The following CPNE4 variants were observed in gnomAD, a reference collection of about 807,000 sequenced individuals.
CPNE4 encodes copine-4.
A neutral mutation model predicts 67.9 loss-of-function variants in CPNE4; 25 were observed. The observed-to-expected ratio is 0.37, with a 90% CI of 0.27 to 0.51. The LOEUF (loss-of-function observed/expected upper bound fraction) is 0.51. CPNE4 is among the 20% of genes least tolerant of loss of function. CPNE4 has a pLI of 0.93. For missense variants in CPNE4, 464 were observed against 690.8 expected (o/e 0.67, Z 3.68); for synonymous variants, 242 against 244.9 (o/e 0.99, Z 0.11).
chr3:132,017,558 T>C (rs375507720), intron 1 of CPNE4: 5 of 152,304 alleles, frequency 3.3e-5, no homozygotes, highest in Admixed American at 2.0e-4. Flanking sequence ...TCCAGGCTCG[T>C]TGATGCACCT....
At chr3:131,833,862 C>T (rs1438914329) in intron 2 of CPNE4, among the ~76,000 whole-genome samples, 3 of 152,174 alleles carry the variant, frequency 2.0e-5, no homozygotes, top group Admixed American at 6.5e-5. Context: ...ACTGTGCGAG[C>T]CACATATAGT....
At chr3:131,779,867 A>G (rs1284250462) in intron 2 of CPNE4, among the ~76,000 whole-genome samples, 1 of 152,176 alleles carries the variant, frequency 6.6e-6, no homozygotes, top group Non-Finnish European at 1.5e-5. Context: ...GAACTTCTGT[A>G]CAACAAAGAA....
At chr3:131,770,201 T>C (rs1583170172) in intron 2 of CPNE4, among the ~76,000 whole-genome samples, 1 of 152,188 alleles carries the variant, frequency 6.6e-6, no homozygotes, top group East Asian at 1.9e-4. Context: ...ATTGCAAATG[T>C]GAAAGGATTT....
rs141359958 is a variant in CPNE4 at position 131,706,652 on chromosome 3, G to A, written c.361-6672C>T. The stretch of plus-strand genomic sequence containing the variant: ...TTTGGGATTCAGGCCCAGCTGACCA[G>A]CATTAACATCAACATAGACTTTAAG... On this transcript the variant is annotated intron_variant, in intron 3 of 15. Coordinates refer to ENST00000429747, the MANE Select transcript of CPNE4 (RefSeq NM_130808.3). 4.3e-3 allele frequency among the ~76,000 whole-genome samples: 656 copies of A among 152,254 alleles called. 4 individuals are homozygous for A. The highest frequency in any genetic ancestry group is 0.015 in the African/African-American group (629 of 41,534).
At chr3:131,856,781 A>AAGC (rs2086461987) in intron 2 of CPNE4, among the ~76,000 whole-genome samples, 1 of 152,036 alleles carries the variant, frequency 6.6e-6, no homozygotes, top group Non-Finnish European at 1.5e-5. Flanking sequence ...TTATGCCTTA[A>AAGC]AGCATTTGAT....
chr3:131,799,921 G>T (rs78177615), intron 2 of CPNE4, among the ~76,000 whole-genome samples: 11 of 21,018 alleles, frequency 5.2e-4, no homozygotes, highest in East Asian at 4.1e-3. Context: ...TGTGTGTGTT[G>T]TGTGTGTGTG....
intron 1 of CPNE4, among the ~76,000 whole-genome samples, chr3:131,942,500 G>C (rs73871536): frequency 0.18 from 26,185 of 143,888 alleles, 3,191 homozygotes; most frequent in African/African-American, 0.34. Context: ...GAGAGAGAGA[G>C]AGAGAGAGAG....
intron 14 of CPNE4, among the ~76,000 whole-genome samples, chr3:131,545,913 TTGGC>T (rs1259743596): frequency 2.6e-5 from 4 of 152,066 alleles, no homozygotes; most frequent in African/African-American, 9.6e-5. Context: ...AATACAAAAA[TTGGC>T]TGGGCGTGGT....
rs1055216341 is a variant in CPNE4, at chr3:131,803,453, T to C, written c.181-79828A>G. ...ACTGTCTCTATCAAGTTTTTCTACA[T>C]TGAAGACAAACTGTGTATGTGATTT... On this transcript the variant is annotated intron_variant, in intron 2 of 15. Coordinates refer to ENST00000429747, the MANE Select transcript of CPNE4 (RefSeq NM_130808.3). 4.6e-5 allele frequency among the ~76,000 whole-genome samples: 7 copies of C among 152,226 alleles called. 1 individual carries two copies. The highest frequency in any genetic ancestry group is 2.6e-4 in the Admixed American group (4 of 15,278).
intron 2 of CPNE4, among the ~76,000 whole-genome samples, chr3:131,845,055 G>T (rs185146535): frequency 9.9e-5 from 15 of 152,278 alleles, no homozygotes; most frequent in Admixed American, 7.8e-4. Flanking sequence ...GAGAGAAAAC[G>T]ATGACTTGTG....
chr3:132,024,304 G>A (rs563947712), intron 1 of CPNE4, among the ~76,000 whole-genome samples: 2 of 152,082 alleles, frequency 1.3e-5, no homozygotes, highest in African/African-American at 4.8e-5. Context: ...GGCTAGTCTC[G>A]AACTCCTGAC....
intron 2 of CPNE4, among the ~76,000 whole-genome samples, chr3:131,731,498 T>C (rs1180447035): frequency 6.6e-6 from 1 of 151,960 alleles, no homozygotes; most frequent in Non-Finnish European, 1.5e-5. Context: ...CTCAGCTACA[T>C]CTTCCAGTGC....
At chr3:131,980,727 C>A (rs1479495735) in intron 1 of CPNE4, among the ~76,000 whole-genome samples, 1 of 152,066 alleles carries the variant, frequency 6.6e-6, no homozygotes, top group Non-Finnish European at 1.5e-5. Flanking sequence ...GGTTTGGTTC[C>A]ATTGCTGGTG....
intron 7 of CPNE4, among the ~76,000 whole-genome samples, chr3:131,669,157 A>G (rs2080337499): frequency 6.6e-6 from 1 of 152,036 alleles, no homozygotes; most frequent in South Asian, 2.1e-4. Flanking sequence ...ATTCCAGACC[A>G]CAGCCAGCCA....
chr3:131,693,426 TATTATA>T (rs569970647), intron 5 of CPNE4, among the ~76,000 whole-genome samples: 275 of 152,240 alleles, frequency 1.8e-3, no homozygotes, highest in Middle Eastern at 0.017. Flanking sequence ...ATGGAAAAAT[TATTATA>T]ATTATATTTT....
chr3:131,948,199 A>G (rs1170951316), intron 1 of CPNE4, among the ~76,000 whole-genome samples: 3 of 152,126 alleles, frequency 2.0e-5, no homozygotes, highest in Admixed American at 2.0e-4. Flanking sequence ...TTTAATCCCC[A>G]TAGTCCCCAC....
chr3:131,838,909 G>T (rs1198283645), intron 2 of CPNE4, among the ~76,000 whole-genome samples: 1 of 151,634 alleles, frequency 6.6e-6, no homozygotes, highest in African/African-American at 2.4e-5. Context: ...AAATTTCTGA[G>T]TTATAAGTTT....
chr3:132,004,727 G>T (rs183018740), intron 1 of CPNE4, among the ~76,000 whole-genome samples: 6 of 152,136 alleles, frequency 3.9e-5, no homozygotes, highest in African/African-American at 1.4e-4. Context: ...CCAACATCAA[G>T]AAATTTCAAA....
intron 2 of CPNE4, among the ~76,000 whole-genome samples, chr3:131,738,479 A>G (rs2082288127): frequency 6.6e-6 from 1 of 152,190 alleles, no homozygotes; most frequent in African/African-American, 2.4e-5. Context: ...AAATACCCAG[A>G]CACCACTTAA....
Sources: gnomAD v4.1 joint callset for allele counts (sites outside exome capture counted in the v4.1 genomes callset) on GRCh38, gnomAD v4.1.1 for gene constraint, MANE v1.5 for transcripts, NCBI Gene and HGNC (gene_info 2026-07-23, HGNC 2026-07-21) for gene names.